GNAQ: variants seen among roughly 807,000 people sequenced by gnomAD.
The protein encoded by GNAQ is guanine nucleotide-binding protein G(q) subunit alpha.
A neutral mutation model predicts 43.9 loss-of-function variants in GNAQ; 8 were observed. The observed-to-expected ratio is 0.18, with a 90% CI of 0.11 to 0.33. GNAQ has a LOEUF of 0.33. Among genes scored for constraint, GNAQ ranks in the 10% least tolerant of loss-of-function variants. The pLI is 1.00. For synonymous variants in GNAQ, 155 were observed against 170.7 expected, an observed-to-expected ratio of 0.91 and a Z score of 0.71; for missense variants, 158 against 450.8, an observed-to-expected ratio of 0.35 and a Z score of 5.88.
intron 5 of GNAQ, among the ~76,000 whole-genome samples, chr9:77,762,143 G>C (rs538442683): frequency 3.2e-4 from 42 of 131,308 alleles, no homozygotes; most frequent in Middle Eastern, 5.4e-3. Flanking sequence ...CCCCCTGCCC[G>C]GCCAGCCGCC....
intron 5 of GNAQ, among the ~76,000 whole-genome samples, chr9:77,750,413 AC>A (rs1344273907): frequency 7.2e-5 from 11 of 152,190 alleles, no homozygotes; most frequent in Admixed American, 5.2e-4. Flanking sequence ...CTTAATAAGA[AC>A]ATTTTAAATG....
At chr9:77,776,325 T>A (rs1475078822) in intron 5 of GNAQ, among the ~76,000 whole-genome samples, 1 of 152,064 alleles carries the variant, frequency 6.6e-6, no homozygotes, top group African/African-American at 2.4e-5. Context: ...CCAAACTACA[T>A]GCTGGCTACA....
chr9:77,733,685 T>A (rs1230362848), intron 5 of GNAQ, among the ~76,000 whole-genome samples: 1 of 152,190 alleles, frequency 6.6e-6, no homozygotes, highest in African/African-American at 2.4e-5. Flanking sequence ...TCTGAGATGC[T>A]GGGCATGAGC....
chr9:77,982,012 T>C (rs1342901434), intron 1 of GNAQ, among the ~76,000 whole-genome samples: 1 of 152,158 alleles, frequency 6.6e-6, no homozygotes, highest in Admixed American at 6.5e-5. Flanking sequence ...GAAAAGTCTC[T>C]TGGTATCTGA....
intron 2 of GNAQ, among the ~76,000 whole-genome samples, chr9:77,919,654 C>T (rs1412265365): frequency 2.0e-5 from 3 of 151,920 alleles, no homozygotes; most frequent in East Asian, 1.9e-4. Flanking sequence ...AAGAAACAAA[C>T]GTGAAAGTCA....
chr9:77,809,124 T>C (rs1448476868), intron 3 of GNAQ, among the ~76,000 whole-genome samples: 1 of 152,164 alleles, frequency 6.6e-6, no homozygotes, highest in Admixed American at 6.5e-5. Context: ...ACTCAAAAAA[T>C]GTAAGCATGC....
In GNAQ at chr9:77,759,508, C is replaced by A. The variant is rs191015409; in HGVS notation, c.736-30841G>T. ...TACTTATATGCGAAACACTTAAAAA[C>A]CAATGTTCAGTTTCCTTCATCAACA... On this transcript the variant is annotated intron_variant, in intron 5 of 6. Transcript: ENST00000286548. 5.6e-3 allele frequency among the ~76,000 whole-genome samples: 847 copies of A among 152,202 alleles called. 2 individuals carry two copies. The highest frequency in any genetic ancestry group is 8.6e-3 in the Non-Finnish European group (584 of 68,002).
At chr9:77,910,925 T>C (rs1464002754) in intron 2 of GNAQ, among the ~76,000 whole-genome samples, 3 of 152,248 alleles carry the variant, frequency 2.0e-5, no homozygotes, top group African/African-American at 7.2e-5. Context: ...CCAGTAGTTG[T>C]GTTCTTGTGT....
chr9:78,023,180 A>G (rs774855388), intron 1 of GNAQ, among the ~76,000 whole-genome samples: 18 of 152,220 alleles, frequency 1.2e-4, no homozygotes, highest in Non-Finnish European at 2.5e-4. Flanking sequence ...AGGATTTTAC[A>G]TTGTGTTCAG....
chr9:77,934,217 G>A (rs1260860221), intron 1 of GNAQ, among the ~76,000 whole-genome samples: 1 of 151,390 alleles, frequency 6.6e-6, no homozygotes, highest in African/African-American at 2.4e-5. Flanking sequence ...AGCTGAGGAT[G>A]AGCGAATTGG....
intron 5 of GNAQ, among the ~76,000 whole-genome samples, chr9:77,749,711 A>G (rs1022268287): frequency 2.0e-5 from 3 of 152,216 alleles, no homozygotes; most frequent in African/African-American, 7.2e-5. Flanking sequence ...CAGTTTACAC[A>G]GCAATCCAGT....
intron 1 of GNAQ, among the ~76,000 whole-genome samples, chr9:77,943,790 A>G (rs2118351636): frequency 6.6e-6 from 1 of 151,592 alleles, no homozygotes; most frequent in Non-Finnish European, 1.5e-5. Context: ...CAGCCTCCCA[A>G]GAGTAGCTGG....
intron 2 of GNAQ, among the ~76,000 whole-genome samples, chr9:77,857,854 T>C: frequency 7.1e-6 from 1 of 141,658 alleles, no homozygotes; most frequent in African/African-American, 2.6e-5. Flanking sequence ...GGTAAAACAT[T>C]TTGAGAAGGC....
intron 1 of GNAQ, among the ~76,000 whole-genome samples, chr9:77,998,753 A>G (rs1413563744): frequency 6.6e-6 from 1 of 152,206 alleles, no homozygotes; most frequent in African/African-American, 2.4e-5. Flanking sequence ...GAAACCAAAG[A>G]CAAATGTATT....
At chr9:77,870,514 G>C (rs1044326925) in intron 2 of GNAQ, among the ~76,000 whole-genome samples, 3 of 151,784 alleles carry the variant, frequency 2.0e-5, no homozygotes, top group African/African-American at 4.8e-5. Flanking sequence ...TTTTAGTAGA[G>C]ATGGGGTTTT....
At chr9:77,848,532 C>T (rs543860900) in intron 2 of GNAQ, among the ~76,000 whole-genome samples, 6 of 152,236 alleles carry the variant, frequency 3.9e-5, no homozygotes, top group Non-Finnish European at 5.9e-5. Context: ...GATACAGATT[C>T]CTGGCCAACA....
chr9:77,952,634 T>C (rs1471646175), intron 1 of GNAQ, among the ~76,000 whole-genome samples: 10 of 152,188 alleles, frequency 6.6e-5, no homozygotes, highest in African/African-American at 1.7e-4. Context: ...AGTTACTCCT[T>C]ATTTATTAAA....
chr9:77,930,071 T>C (rs150999637), intron 1 of GNAQ, among the ~76,000 whole-genome samples: 1 of 152,322 alleles, frequency 6.6e-6, no homozygotes, highest in African/African-American at 2.4e-5. Context: ...AACAAAAATC[T>C]CTGCCTGAAT....
At chr9:78,004,055 A>C (rs981298315) in intron 1 of GNAQ, among the ~76,000 whole-genome samples, 1 of 152,044 alleles carries the variant, frequency 6.6e-6, no homozygotes, top group Non-Finnish European at 1.5e-5. Context: ...GATGGGGCTG[A>C]ATTTGCCCTA....
Sources: gnomAD v4.1 joint callset for allele counts (sites outside exome capture counted in the v4.1 genomes callset) on GRCh38, gnomAD v4.1.1 for gene constraint, MANE v1.5 for transcripts, NCBI Gene and HGNC (gene_info 2026-07-23, HGNC 2026-07-21) for gene names.